CPS1: variants seen among roughly 807,000 people sequenced by gnomAD.
CPS1 encodes the protein carbamoyl-phosphate synthase [ammonia], mitochondrial.
A neutral mutation model predicts 174.6 loss-of-function variants in CPS1; 109 were observed. That is an observed-to-expected ratio of 0.62 (90% CI 0.53 to 0.73). CPS1 has a LOEUF of 0.73. Ranked by LOEUF, CPS1 falls within the 30% of genes least tolerant of loss-of-function variation. CPS1 has a pLI of 0.00. For synonymous variants in CPS1, 637 were observed against 632.0 expected (o/e 1.01, Z -0.12); for missense variants, 1,689 against 1,821.9 (o/e 0.93, Z 1.33).
At chr2:210,486,082 G>GTA (rs1306139886) in intron 1 of CPS1, among the ~76,000 whole-genome samples, 10 of 137,912 alleles carry the variant, frequency 7.3e-5, no homozygotes, top group East Asian at 2.2e-4. Flanking sequence ...ATATATATGT[G>GTA]TATATATATA....
chr2:210,579,798 A>T (rs1361414792), intron 5 of CPS1, 28 bp downstream of exon 5: 1 of 1,576,740 alleles, frequency 6.3e-7, no homozygotes, highest in African/African-American at 1.4e-5. Context: ...AGCCAAATCT[A>T]TGTTTCTTCG....
intron 1 of CPS1, among the ~76,000 whole-genome samples, chr2:210,513,332 C>G (rs1322258305): frequency 2.0e-5 from 3 of 151,702 alleles, no homozygotes; most frequent in South Asian, 2.1e-4. Flanking sequence ...CACAGCCTCA[C>G]CAGCATCTGT....
chr2:210,618,463 A>C (rs986581181), intron 21 of CPS1: 6 of 152,158 alleles, frequency 3.9e-5, no homozygotes, highest in Non-Finnish European at 7.4e-5. Flanking sequence ...TGGAACTCAC[A>C]GATGATCCAC....
At chr2:210,552,817 G>A (rs1284008108), upstream of CPS1, among the ~76,000 whole-genome samples, 3 of 151,936 alleles carry the variant, frequency 2.0e-5, no homozygotes, top group African/African-American at 7.2e-5. Context: ...AAACAAAAAT[G>A]TAAACAGTAG....
intron 21 of CPS1, among the ~76,000 whole-genome samples, chr2:210,632,058 T>A (rs1319698005): frequency 6.6e-6 from 1 of 152,214 alleles, no homozygotes; most frequent in African/African-American, 2.4e-5. Flanking sequence ...AATTATAAAT[T>A]CAGTATTTAT....
intron 1 of CPS1, among the ~76,000 whole-genome samples, chr2:210,511,811 AT>A (rs1172532792): frequency 6.6e-6 from 1 of 152,062 alleles, no homozygotes; most frequent in African/African-American, 2.4e-5. Context: ...ACTGACTGAA[AT>A]ATTTTACAAT....
chr2:210,611,971 C>CTTTTT (rs3060429), intron 19 of CPS1, 146 bp from the exon 20 acceptor site: 16 of 595,052 alleles, frequency 2.7e-5, no homozygotes, highest in Non-Finnish European at 3.9e-5. Flanking sequence ...AAAGGAACAC[C>CTTTTT]TTTTTTTTTT....
intron 1 of CPS1, among the ~76,000 whole-genome samples, chr2:210,538,250 C>T (rs909002249): frequency 3.9e-5 from 6 of 152,012 alleles, no homozygotes; most frequent in Non-Finnish European, 7.4e-5. Context: ...TTTATAAATT[C>T]CTATATTTCC....
At chr2:210,519,734 G>A in intron 1 of CPS1, 2 of 985,222 alleles carry the variant, frequency 2.0e-6, no homozygotes, top group Non-Finnish European at 2.4e-6. Flanking sequence ...AAAGCATCCA[G>A]TATGAGGGAG....
At chr2:210,631,691 T>C (rs780298283) in intron 21 of CPS1, among the ~76,000 whole-genome samples, 4 of 152,224 alleles carry the variant, frequency 2.6e-5, no homozygotes, top group East Asian at 1.9e-4. Flanking sequence ...GATTCTATTA[T>C]GCAATGATGA....
At chr2:210,504,639 C>T (rs904204229) in intron 1 of CPS1, among the ~76,000 whole-genome samples, 15 of 152,148 alleles carry the variant, frequency 9.9e-5, no homozygotes, top group Non-Finnish European at 2.2e-4. Context: ...ATTGGAGTAA[C>T]AAGCAAGTAA....
chr2:210,510,854 T>C (rs1385390964), intron 1 of CPS1, among the ~76,000 whole-genome samples: 1 of 152,168 alleles, frequency 6.6e-6, no homozygotes, highest in Non-Finnish European at 1.5e-5. Context: ...CCAGTTAGAA[T>C]GGCGATCATT....
intron 36 of CPS1, 41 bp downstream of exon 36, chr2:210,675,881 A>G: frequency 1.0e-6 from 1 of 956,532 alleles, no homozygotes; most frequent in Non-Finnish European, 1.7e-6. Context: ...AATTTAGAGG[A>G]TTAACTTTGA....
chr2:210,625,738 T>C (rs1164124159), intron 21 of CPS1, among the ~76,000 whole-genome samples: 3 of 152,064 alleles, frequency 2.0e-5, no homozygotes, highest in Non-Finnish European at 4.4e-5. Flanking sequence ...AGTCCTCATT[T>C]GATGTTGGGT....
rs1698353985 is a variant in CPS1 at position 210,592,863 on chromosome 2, T to C, written c.1087-16T>C. On this transcript the variant is annotated splice_polypyrimidine_tract_variant and intron_variant, in intron 10 of 37. Transcript: ENST00000233072. ...TTGTTACAGAAGGAATTTCTTCCTG[T>C]TTCTTATTCCTTTAGGGGATTATGC... 2 of 1,605,938 alleles carry C rather than the reference T, an allele frequency of 1.2e-6. No homozygotes were observed. Among genetic ancestry groups the C allele is most frequent in the African/African-American group, 2.7e-5 (2 of 74,638 alleles).
At chr2:210,570,457 T>C (rs1697437406) in intron 1 of CPS1, among the ~76,000 whole-genome samples, 1 of 151,930 alleles carries the variant, frequency 6.6e-6, no homozygotes, top group Admixed American at 6.6e-5. Flanking sequence ...TTCTTTAAAA[T>C]GATCAGAAAG....
At position 210,556,663 on chromosome 2, in the gene CPS1, C is replaced by T. The variant is rs571653097; in HGVS notation, c.-71C>T. The T allele has an allele frequency of 6.2e-7, 1 of 1,600,022 alleles. No individual in the cohort carries two copies. Among genetic ancestry groups the T allele is most frequent in the African/African-American group, 1.3e-5 (1 of 74,106 alleles). ...CCCTCCCAGATTTCTTTTACATTAA[C>T]TAAAAAGTCTTATCACACAATCTCA... On this transcript the variant is annotated 5_prime_UTR_variant, in exon 1 of 38. Coordinates refer to ENST00000233072, the MANE Select transcript of CPS1 (RefSeq NM_001875.5).
intron 9 of CPS1, 144 bp downstream of exon 9, chr2:210,591,050 AAAT>A (rs998891944): frequency 4.0e-5 from 9 of 227,038 alleles, no homozygotes; most frequent in African/African-American, 2.2e-4. Context: ...AAAAATAAAT[AAAT>A]AAATAAATAA....
At chr2:210,640,885 A>G (rs1040994615) in intron 24 of CPS1, among the ~76,000 whole-genome samples, 2 of 152,206 alleles carry the variant, frequency 1.3e-5, no homozygotes, top group African/African-American at 4.8e-5. Context: ...GTCTTAGTCC[A>G]TTTGTGCTGC....
Sources: allele counts gnomAD v4.1 joint callset (sites outside exome capture counted in the v4.1 genomes callset), GRCh38; gene constraint gnomAD v4.1.1; transcripts MANE v1.5; gene names NCBI Gene and HGNC (gene_info 2026-07-23, HGNC 2026-07-21).